BNC2: variants seen among roughly 807,000 people sequenced by gnomAD.
BNC2 encodes zinc finger protein basonuclin-2.
A neutral mutation model predicts 76.3 loss-of-function variants in BNC2; 20 were observed. The ratio of observed to expected loss-of-function variants is 0.26; its 90% CI spans 0.18 to 0.38. The LOEUF is 0.38. Among genes scored for constraint, BNC2 ranks in the 10% least tolerant of loss-of-function variants. BNC2 has a pLI of 1.00. For missense variants in BNC2, 1,382 were observed against 1,399.8 expected (o/e 0.99, Z 0.20); for synonymous variants, 582 against 514.8 (o/e 1.13, Z -1.77).
chr9:16,805,020 C>T (rs1817870980), intron 1 of BNC2, among the ~76,000 whole-genome samples: 1 of 151,934 alleles, frequency 6.6e-6, no homozygotes. Flanking sequence ...CGAGACCACG[C>T]CATTGCACTC....
chr9:16,556,816 A>T (rs1818849351), intron 4 of BNC2, among the ~76,000 whole-genome samples: 1 of 152,096 alleles, frequency 6.6e-6, no homozygotes, highest in Non-Finnish European at 1.5e-5. Flanking sequence ...CAGCATAAAC[A>T]TATCATCAAA....
intron 3 of BNC2, among the ~76,000 whole-genome samples, chr9:16,665,434 AAAAGAAAG>A (rs56038950): frequency 0.05 from 5,775 of 116,018 alleles, 201 homozygotes; most frequent in Admixed American, 0.062. Flanking sequence ...GAAAGGAAAG[AAAAGAAAG>A]AAAGAAAGAA....
chr9:16,623,497 G>A (rs1820917605), intron 3 of BNC2, among the ~76,000 whole-genome samples: 1 of 152,186 alleles, frequency 6.6e-6, no homozygotes, highest in Non-Finnish European at 1.5e-5. Context: ...AAGCTAAGGA[G>A]CCTGCAGAGA....
intron 5 of BNC2, among the ~76,000 whole-genome samples, chr9:16,441,371 G>T (rs2130917718): frequency 6.6e-6 from 1 of 152,322 alleles, no homozygotes; most frequent in Middle Eastern, 3.4e-3. Flanking sequence ...TGGAGAGACT[G>T]CAACAAGAAA....
intron 1 of BNC2, among the ~76,000 whole-genome samples, chr9:16,817,772 T>C (rs1818220029): frequency 6.6e-6 from 1 of 152,216 alleles, no homozygotes; most frequent in Non-Finnish European, 1.5e-5. Context: ...CAATAAGCAT[T>C]TACTGAGTTT....
At chr9:16,631,564 T>C (rs897851414) in intron 3 of BNC2, among the ~76,000 whole-genome samples, 1 of 152,210 alleles carries the variant, frequency 6.6e-6, no homozygotes, top group Non-Finnish European at 1.5e-5. Context: ...AGAAGATTTA[T>C]TATTAAAGAA....
intron 5 of BNC2, among the ~76,000 whole-genome samples, chr9:16,455,871 T>A (rs1268790826): frequency 6.6e-6 from 1 of 152,232 alleles, no homozygotes; most frequent in African/African-American, 2.4e-5. Context: ...ATTTTACTTT[T>A]CATACCTAGT....
At chr9:16,500,312 A>G (rs147149866) in intron 5 of BNC2, among the ~76,000 whole-genome samples, 197 of 152,260 alleles carry the variant, frequency 1.3e-3, no homozygotes, top group African/African-American at 4.5e-3. Flanking sequence ...TTTAATGAAC[A>G]TCCAATTCAT....
At chr9:16,710,385 C>T (rs1382244303) in intron 3 of BNC2, among the ~76,000 whole-genome samples, 3 of 152,178 alleles carry the variant, frequency 2.0e-5, no homozygotes, top group South Asian at 2.1e-4. Context: ...AGAAATATTA[C>T]AGTGGCATTG....
intron 1 of BNC2, among the ~76,000 whole-genome samples, chr9:16,746,001 C>T (rs911375119): frequency 6.6e-6 from 1 of 152,164 alleles, no homozygotes; most frequent in African/African-American, 2.4e-5. Context: ...CAGCCTTACA[C>T]ACACAGAATT....
intron 3 of BNC2, among the ~76,000 whole-genome samples, chr9:16,590,780 C>A (rs943121887): frequency 6.6e-6 from 1 of 152,068 alleles, no homozygotes; most frequent in Non-Finnish European, 1.5e-5. Context: ...GCACTCCCAG[C>A]CTGGATGGAA....
intron 1 of BNC2, among the ~76,000 whole-genome samples, chr9:16,746,160 C>A (rs191795833): frequency 3.3e-5 from 5 of 152,040 alleles, no homozygotes; most frequent in Admixed American, 2.6e-4. Flanking sequence ...ATGTTTACAC[C>A]GGAGCTCAAA....
At chr9:16,463,648 G>A (rs1399585249) in intron 5 of BNC2, among the ~76,000 whole-genome samples, 5 of 152,010 alleles carry the variant, frequency 3.3e-5, no homozygotes, top group Non-Finnish European at 5.9e-5. Flanking sequence ...CTATCTCACC[G>A]CACTGACAAA....
chr9:16,656,242 C>T (rs953594266), intron 3 of BNC2, among the ~76,000 whole-genome samples: 1 of 151,994 alleles, frequency 6.6e-6, no homozygotes, highest in East Asian at 1.9e-4. Flanking sequence ...AATTCTACCT[C>T]GAGAATGGAG....
intron 5 of BNC2, among the ~76,000 whole-genome samples, chr9:16,471,572 G>A (rs1010121844): frequency 5.9e-5 from 9 of 152,170 alleles, no homozygotes; most frequent in Non-Finnish European, 8.8e-5. Flanking sequence ...GATTACAGGC[G>A]TGAGCCACTG....
chr9:16,581,759 T>C (rs532764871), intron 4 of BNC2, among the ~76,000 whole-genome samples: 1 of 152,140 alleles, frequency 6.6e-6, no homozygotes, highest in Non-Finnish European at 1.5e-5. Flanking sequence ...CAGAAGTAAA[T>C]GCAGCTCATC....
At chr9:16,527,594 C>T (rs1412866887) in intron 5 of BNC2, among the ~76,000 whole-genome samples, 4 of 152,112 alleles carry the variant, frequency 2.6e-5, no homozygotes. Flanking sequence ...GGCCAGAGCA[C>T]CACTTTTCTG....
At chr9:16,619,080 T>C (rs77687451) in intron 3 of BNC2, among the ~76,000 whole-genome samples, 1,603 of 152,232 alleles carry the variant, frequency 0.011, 20 homozygotes, top group African/African-American at 0.035. Flanking sequence ...AAGGGCTCTC[T>C]ATCCCCTGGG....
chr9:16,843,913 C>T (rs533275735), intron 1 of BNC2, among the ~76,000 whole-genome samples: 2 of 152,250 alleles, frequency 1.3e-5, no homozygotes, highest in East Asian at 3.9e-4. Context: ...GAGGATGCAA[C>T]GAGTATGTGA....
Sources: gnomAD v4.1 joint callset for allele counts (sites outside exome capture counted in the v4.1 genomes callset) on GRCh38, gnomAD v4.1.1 for gene constraint, MANE v1.5 for transcripts, NCBI Gene and HGNC (gene_info 2026-07-23, HGNC 2026-07-21) for gene names.